The following MACC1 variants were observed in gnomAD, a reference collection of about 807,000 sequenced individuals.
MACC1 encodes MET transcriptional regulator MACC1, also known as metastasis-associated in colon cancer protein 1.
In MACC1, 79 loss-of-function variants were observed where a neutral mutation model predicts 70.7. The observed-to-expected ratio is 1.12, with a 90% CI of 0.93 to 1.35. The LOEUF (loss-of-function observed/expected upper bound fraction) is 1.35. Ranked by LOEUF, MACC1 falls within the 40% of genes most tolerant of loss-of-function variation. The probability of loss-of-function intolerance (pLI) is 0.00; values close to 1 mark genes in which losing one functional copy is unlikely to be tolerated. For synonymous variants in MACC1, 361 were observed against 347.2 expected (o/e 1.04, Z -0.44); for missense variants, 1,106 against 978.1 (o/e 1.13, Z -1.74).
chr7:20,154,052 A>C (rs1415603031), intron 6 of MACC1, 141 bp downstream of exon 6: 5 of 749,224 alleles, frequency 6.7e-6, no homozygotes, highest in Non-Finnish European at 1.1e-5. Flanking sequence ...AGTACTGATG[A>C]GTTACTAGTG....
chr7:20,174,279 CA>C (rs1782359582), intron 1 of MACC1, among the ~76,000 whole-genome samples: 2 of 152,126 alleles, frequency 1.3e-5, no homozygotes, highest in South Asian at 4.1e-4. Flanking sequence ...AAGCTTTCCC[CA>C]ATCAGCATCT....
intron 6 of MACC1, among the ~76,000 whole-genome samples, chr7:20,153,851 G>C (rs535756491): frequency 1.3e-5 from 2 of 152,216 alleles, no homozygotes; most frequent in South Asian, 4.1e-4. Flanking sequence ...GTCCTGACTT[G>C]ATCCTGTCTC....
chr7:20,186,192 A>G (rs1168606273), intron 1 of MACC1, among the ~76,000 whole-genome samples: 1 of 152,148 alleles, frequency 6.6e-6, no homozygotes, highest in Non-Finnish European at 1.5e-5. Flanking sequence ...TTACCTTTCC[A>G]TAACCTCTTA....
At chr7:20,200,482 G>C (rs537796189) in intron 1 of MACC1, among the ~76,000 whole-genome samples, 8 of 152,326 alleles carry the variant, frequency 5.3e-5, no homozygotes, top group African/African-American at 1.7e-4. Context: ...AATCCTGGAA[G>C]AGAAAGTAAA....
At chr7:20,201,594 A>C (rs1390247171) in intron 1 of MACC1, among the ~76,000 whole-genome samples, 1 of 152,206 alleles carries the variant, frequency 6.6e-6, no homozygotes, top group Non-Finnish European at 1.5e-5. Flanking sequence ...GTTTAAGTTC[A>C]GTCAATGACA....
chr7:20,158,708 GC>G lies in MACC1; in HGVS notation c.1652del (p.Ser551ThrfsTer5), dbSNP rs1406900640. ...PTFQDKTLNF[S>X]NYGVTLKAVL... Reference sequence around the variant, plus strand: ...CTGCCTTCAGGGTTACCCCATAGTTGCTAAAGTTCAATGTTTTATCTTGAAA... The same window carrying G: ...CTGCCTTCAGGGTTACCCCATAGTTGTAAAGTTCAATGTTTTATCTTGAAA... On this transcript the variant is annotated frameshift_variant, in exon 5 of 7. Transcript: ENST00000400331. LOFTEE classifies it high-confidence loss of function. 16 of 1,613,680 alleles carry G rather than the reference GC, an allele frequency of 9.9e-6. No homozygotes were observed. In the Admixed American group the frequency reaches 1.7e-4, roughly 17 times the overall value.
intron 6 of MACC1, chr7:20,141,928 T>TACACACAC (rs61204565): frequency 2.7e-5 from 4 of 145,602 alleles, no homozygotes; most frequent in African/African-American, 9.9e-5. Flanking sequence ...AATTGTAGAA[T>TACACACAC]ACACACACAC....
At chr7:20,181,933 A>G (rs1782515529) in intron 1 of MACC1, among the ~76,000 whole-genome samples, 1 of 152,212 alleles carries the variant, frequency 6.6e-6, no homozygotes, top group African/African-American at 2.4e-5. Context: ...AGGTCAAATA[A>G]AAGATAAATA....
chr7:20,143,765 T>A (rs1781844994), intron 6 of MACC1, among the ~76,000 whole-genome samples: 1 of 152,152 alleles, frequency 6.6e-6, no homozygotes, highest in South Asian at 2.1e-4. Context: ...GGTACAATAC[T>A]GAGTCCTAGG....
chr7:20,179,017 G>C (rs1326766079), intron 1 of MACC1, among the ~76,000 whole-genome samples: 2 of 152,072 alleles, frequency 1.3e-5, no homozygotes, highest in Admixed American at 6.5e-5. Flanking sequence ...CTGATGAAAT[G>C]AATACTCTTT....
intron 1 of MACC1, among the ~76,000 whole-genome samples, chr7:20,171,266 T>G (rs1782301699): frequency 6.6e-6 from 1 of 151,944 alleles, no homozygotes; most frequent in Non-Finnish European, 1.5e-5. Flanking sequence ...TTTTTTTTTT[T>G]TTTGAGGTGG....
intron 1 of MACC1, among the ~76,000 whole-genome samples, chr7:20,195,825 T>A (rs1209746497): frequency 6.6e-6 from 1 of 152,222 alleles, no homozygotes; most frequent in Admixed American, 6.5e-5. Flanking sequence ...TTGTTGCAGC[T>A]AGAACATAGT....
Position 20,139,360 on chromosome 7 carries a change from G to A in MACC1, c.*1586C>T, listed in dbSNP as rs1781763909. On this transcript the variant is annotated 3_prime_UTR_variant, in exon 7 of 7. Transcript: ENST00000400331. ...CAGGACAATGCCTACTCTTCCTTGA[G>A]GTTCATTATTTCTTTCCAAGAACAA... 6.6e-6 allele frequency: 1 copy of A among 151,924 alleles called. No homozygotes were observed. Among genetic ancestry groups the A allele is most frequent in the African/African-American group, 2.4e-5 (1 of 41,342 alleles). The allele number at this position is 151,924 out of a possible 1,614,324, so 9.4% of individuals were successfully genotyped here.
chr7:20,170,330 A>G (rs1171153721), intron 2 of MACC1: 1 of 152,238 alleles, frequency 6.6e-6, no homozygotes, highest in Non-Finnish European at 1.5e-5. Flanking sequence ...TAAATCCCCA[A>G]TGAACATCAG....
intron 1 of MACC1, among the ~76,000 whole-genome samples, chr7:20,205,151 A>G (rs1329090290): frequency 6.6e-6 from 1 of 152,218 alleles, no homozygotes; most frequent in African/African-American, 2.4e-5. Flanking sequence ...ATGGATTTTC[A>G]TGATGTCAAA....
chr7:20,159,582 A>G lies in MACC1; in HGVS notation c.779T>C (p.Met260Thr), dbSNP rs932570847. The G allele has an allele frequency of 1.2e-6, 2 of 1,614,044 alleles. No homozygotes were observed. Among genetic ancestry groups the G allele is most frequent in the Non-Finnish European group, 8.5e-7 (1 of 1,180,044 alleles). Residue 260 changes from methionine to threonine, a missense_variant, in exon 5 of 7, where the codon ATG (methionine) becomes ACG (threonine). Physicochemically the swap from Met to Thr is moderately conservative, Grantham distance 81. Transcript: ENST00000400331. Reference sequence around the variant, plus strand: ...AGTGCACGAAAGATCATGGTTAAGCATGTGTGGCGGATCAAGGAAAGCCCT... The same window carrying G: ...AGTGCACGAAAGATCATGGTTAAGCGTGTGTGGCGGATCAAGGAAAGCCCT... ...SLRAFLDPPHMLNHDLSCTVS... is the reference protein window; with the variant it reads ...SLRAFLDPPHTLNHDLSCTVS...
Position 20,141,115 on chromosome 7 carries a change from G to T in MACC1, c.2390C>A (p.Ala797Asp), listed in dbSNP as rs1029961280. Residue 797 changes from alanine to aspartate, a missense_variant, in exon 7 of 7, where the codon GCT (alanine) becomes GAT (aspartate). Transcript: ENST00000400331. ...ATCTCTGTAGTTATTTCCATAGTGA[G>T]CACTCCAGGTATACAGAAAATCATA... ...PAYDFLYTWS[A>D]HYGNNYRDVL... 1 of 1,612,002 alleles carries T rather than the reference G, an allele frequency of 6.2e-7. No homozygotes were observed. The highest frequency in any genetic ancestry group is 1.3e-5 in the African/African-American group (1 of 74,948).
rs201000990 is a variant in MACC1, at chr7:20,154,160, T to C, written c.2346+33A>G. On this transcript the variant is annotated intron_variant, in intron 6 of 6. Transcript: ENST00000400331. Reference sequence around the variant, plus strand: ...ATTAGTGTTACTTGGTCTGCAACTTTTCACTATTGAATTACACAAACAGAA... The same window carrying C: ...ATTAGTGTTACTTGGTCTGCAACTTCTCACTATTGAATTACACAAACAGAA... 9.3e-5 allele frequency: 149 copies of C among 1,610,126 alleles called. No homozygotes were observed. In the African/African-American group the frequency reaches 1.7e-3, roughly 18 times the overall value.
At chr7:20,216,873 A>G (rs1783078284) in intron 1 of MACC1, among the ~76,000 whole-genome samples, 1 of 152,206 alleles carries the variant, frequency 6.6e-6, no homozygotes, top group African/African-American at 2.4e-5. Context: ...AAATCTAATA[A>G]GCAGTGGGGC....
Sources: allele counts gnomAD v4.1 joint callset (sites outside exome capture counted in the v4.1 genomes callset), GRCh38; gene constraint gnomAD v4.1.1; transcripts MANE v1.5; gene names NCBI Gene and HGNC (gene_info 2026-07-23, HGNC 2026-07-21).